The following LCLAT1 variants were observed in gnomAD, a reference collection of about 807,000 sequenced individuals.
LCLAT1 encodes lysocardiolipin acyltransferase 1.
LCLAT1 carries 11 observed loss-of-function variants against 30.7 expected under a neutral mutation model. The ratio of observed to expected loss-of-function variants is 0.36; its 90% CI spans 0.23 to 0.59. The LOEUF (loss-of-function observed/expected upper bound fraction) is 0.59. LCLAT1 is among the 20% of genes least tolerant of loss of function. The pLI, the probability that LCLAT1 is intolerant of heterozygous loss-of-function variation, is 0.77. For missense variants in LCLAT1, 402 were observed against 458.6 expected (o/e 0.88, Z 1.13); for synonymous variants, 155 against 151.3 (o/e 1.02, Z -0.18).
rs769362442 is a variant in LCLAT1 at position 30,640,728 on chromosome 2, C to G, written c.*109C>G. ...GACTATGTCGAATATTTCTTACTGCCATCATTATTTGTTAAAGATATTTTG... is the reference window on the plus strand; with the variant it reads ...GACTATGTCGAATATTTCTTACTGCGATCATTATTTGTTAAAGATATTTTG... On this transcript the variant is annotated 3_prime_UTR_variant, in exon 6 of 6. Transcript: ENST00000379509. The G allele has an allele frequency of 2.3e-5, 29 of 1,275,016 alleles. No individual in the cohort carries two copies. Among genetic ancestry groups the G allele is most frequent in the Non-Finnish European group, 3.0e-5 (28 of 934,218 alleles). The allele number at this position is 1,275,016 out of a possible 1,614,324, so 79.0% of individuals were successfully genotyped here. A position where few individuals can be genotyped will look rare whatever the true frequency, so the allele number is the denominator to read the frequency against.
intron 1 of LCLAT1, among the ~76,000 whole-genome samples, chr2:30,465,241 C>A (rs76939043): frequency 6.6e-6 from 1 of 152,038 alleles, no homozygotes; most frequent in South Asian, 2.1e-4. Context: ...GGAGATTATA[C>A]GTACACAGAG....
chr2:30,574,894 G>T (rs1288481374), intron 5 of LCLAT1, among the ~76,000 whole-genome samples: 1 of 152,132 alleles, frequency 6.6e-6, no homozygotes, highest in Non-Finnish European at 1.5e-5. Flanking sequence ...CAAAACAGAG[G>T]TCTGCCAGCA....
At chr2:30,544,273 G>T (rs1664290633) in intron 3 of LCLAT1, among the ~76,000 whole-genome samples, 1 of 152,128 alleles carries the variant, frequency 6.6e-6, no homozygotes, top group Non-Finnish European at 1.5e-5. Context: ...GTTTTCTACA[G>T]GGATGATTTG....
chr2:30,616,364 G>A (rs557379105), intron 5 of LCLAT1, among the ~76,000 whole-genome samples: 1 of 152,130 alleles, frequency 6.6e-6, no homozygotes, highest in East Asian at 1.9e-4. Flanking sequence ...TATTTGCTCT[G>A]AGTTTTACAG....
At position 30,555,328 on chromosome 2, in the gene LCLAT1, T is replaced by C. The variant is rs571588056; in HGVS notation, c.365-6818T>C. On this transcript the variant is annotated intron_variant, in intron 3 of 5. Transcript: ENST00000379509. ...TTCAGGAATGCAAAGACTCAAACATTTTTTAAAAGAAATTATTTTGAGGAG... is the reference window on the plus strand; with the variant it reads ...TTCAGGAATGCAAAGACTCAAACATCTTTTAAAAGAAATTATTTTGAGGAG... Among the ~76,000 whole-genome samples the C allele has an allele frequency of 9.9e-4, 150 of 152,216 alleles. 1 individual carries two copies. In the South Asian group the frequency reaches 0.011, roughly 12 times the overall value.
rs1337457057 is a variant in LCLAT1 at position 30,643,300 on chromosome 2, A to T, written c.*2681A>T. The T allele has an allele frequency of 5.7e-5, 6 of 106,132 alleles. No individual in the cohort carries two copies. In the East Asian group the frequency reaches 1.4e-3, roughly 24 times the overall value. The allele number at this position is 106,132 out of a possible 1,614,324, so 6.6% of individuals were successfully genotyped here. ...ATGTTAAAGCAAGTGTGGTTTATTTATGGCATGAACCATGTAACTTGAAAT... is the reference window on the plus strand; with the variant it reads ...ATGTTAAAGCAAGTGTGGTTTATTTTTGGCATGAACCATGTAACTTGAAAT... On this transcript the variant is annotated 3_prime_UTR_variant, in exon 6 of 6. Coordinates refer to ENST00000379509, the MANE Select transcript of LCLAT1 (RefSeq NM_001002257.3).
At chr2:30,512,416 A>G (rs1343459058) in intron 1 of LCLAT1, among the ~76,000 whole-genome samples, 1 of 152,116 alleles carries the variant, frequency 6.6e-6, no homozygotes, top group Admixed American at 6.6e-5. Flanking sequence ...GTCTGCCTCA[A>G]GAGACCCAGG....
chr2:30,479,109 C>A (rs562388477), intron 1 of LCLAT1, among the ~76,000 whole-genome samples: 8 of 152,034 alleles, frequency 5.3e-5, no homozygotes, highest in Admixed American at 5.2e-4. Flanking sequence ...AGTGAAATAC[C>A]GTACAGCAAT....
chr2:30,593,650 C>T (rs1053210696), intron 5 of LCLAT1, among the ~76,000 whole-genome samples: 1 of 152,074 alleles, frequency 6.6e-6, no homozygotes, highest in African/African-American at 2.4e-5. Flanking sequence ...ATACTACTAG[C>T]ACTTTTCTTT....
In LCLAT1 at chr2:30,512,867, A is replaced by G. The variant is rs372120297; in HGVS notation, c.-4-12720A>G. Among the ~76,000 whole-genome samples, 211 of 152,312 alleles carry G rather than the reference A, an allele frequency of 1.4e-3. 6 individuals carry two copies. The South Asian group carries it at 0.039, about 28-fold the overall frequency. The stretch of plus-strand genomic sequence containing the variant: ...TTATTATTGCCCACTGTTTATTATT[A>G]CAAATTATACTTACATGAACAATGT... On this transcript the variant is annotated intron_variant, in intron 1 of 5. Transcript: ENST00000379509.
intron 3 of LCLAT1, among the ~76,000 whole-genome samples, chr2:30,552,101 T>A (rs1287155015): frequency 6.6e-6 from 1 of 152,208 alleles, no homozygotes; most frequent in African/African-American, 2.4e-5. Context: ...TGATTATAGG[T>A]CCTCTCAGTG....
intron 3 of LCLAT1, among the ~76,000 whole-genome samples, chr2:30,540,759 G>T (rs1664099775): frequency 6.6e-6 from 1 of 151,774 alleles, no homozygotes. Flanking sequence ...CCGCCTCCCG[G>T]GTTCAAGCGA....
rs769958873 is a variant in LCLAT1, at chr2:30,640,285, G to T, written c.797G>T (p.Cys266Phe). 6.2e-7 allele frequency: 1 copy of T among 1,614,206 alleles called. No individual in the cohort carries two copies. The highest frequency in any genetic ancestry group is 8.5e-7 in the Non-Finnish European group (1 of 1,180,032). Residue 266 changes from cysteine to phenylalanine, a missense_variant, in exon 6 of 6, where the codon TGC becomes TTC. Cys to Phe is a radical substitution (Grantham distance 205, BLOSUM62 -2). Coordinates refer to ENST00000379509, the MANE Select transcript of LCLAT1 (RefSeq NM_001002257.3). The part of the protein sequence containing the change: ...PTSKEDLQLW[C>F]HKRWEEKEER... ...TCCAAGGAGGACCTTCAACTCTGGT[G>T]CCACAAACGGTGGGAAGAGAAAGAA...
At chr2:30,448,398 G>C (rs1013810451) in intron 1 of LCLAT1, among the ~76,000 whole-genome samples, 7 of 152,050 alleles carry the variant, frequency 4.6e-5, no homozygotes, top group African/African-American at 1.7e-4. Context: ...TCACTTTTTC[G>C]TTTAGGTTTC....
intron 5 of LCLAT1, among the ~76,000 whole-genome samples, chr2:30,582,987 A>G (rs181908940): frequency 6.6e-6 from 1 of 152,372 alleles, no homozygotes; most frequent in African/African-American, 2.4e-5. Context: ...ACTTTTAATA[A>G]TTCAGATCTT....
At chr2:30,569,598 A>G (rs904409777) in intron 5 of LCLAT1, among the ~76,000 whole-genome samples, 3 of 66,968 alleles carry the variant, frequency 4.5e-5, no homozygotes, top group Non-Finnish European at 9.4e-5. Context: ...CCATTATGTA[A>G]GAAAAGGTAT....
chr2:30,574,635 A>G (rs1174215358), intron 5 of LCLAT1, among the ~76,000 whole-genome samples: 2 of 152,158 alleles, frequency 1.3e-5, no homozygotes, highest in Non-Finnish European at 2.9e-5. Flanking sequence ...GAGTGTCTCA[A>G]CTCTAAAGGT....
chr2:30,461,467 C>T (rs548691409), intron 1 of LCLAT1, among the ~76,000 whole-genome samples: 1 of 152,154 alleles, frequency 6.6e-6, no homozygotes, highest in Non-Finnish European at 1.5e-5. Context: ...CACTATGTTG[C>T]CTCCACTTGT....
chr2:30,521,489 CTTCTTTTTTTTTTTTT>C (rs1184547736), intron 1 of LCLAT1, among the ~76,000 whole-genome samples: 26 of 55,568 alleles, frequency 4.7e-4, no homozygotes, highest in African/African-American at 1.5e-3. Flanking sequence ...TAAACTACTT[CTTCTTTTTTTTTTTTT>C]TTTTTTTTTT....
Sources: allele counts gnomAD v4.1 joint callset (sites outside exome capture counted in the v4.1 genomes callset), GRCh38; gene constraint gnomAD v4.1.1; transcripts MANE v1.5; gene names NCBI Gene and HGNC (gene_info 2026-07-23, HGNC 2026-07-21).